Variants in ERBB4 observed in about 807,000 individuals in gnomAD.
The protein encoded by ERBB4 is receptor tyrosine-protein kinase erbB-4.
Under a neutral mutation model 158.0 loss-of-function variants are expected in ERBB4, and 42 were observed. The ratio of observed to expected loss-of-function variants is 0.27; its 90% confidence interval spans 0.21 to 0.34. The LOEUF is 0.34. Among genes scored for constraint, ERBB4 ranks in the 10% least tolerant of loss-of-function variants. ERBB4 has a pLI of 1.00. For synonymous variants in ERBB4, 583 were observed against 558.7 expected, an observed-to-expected ratio of 1.04 and a Z score of -0.61; for missense variants, 1,333 against 1,624.1, an observed-to-expected ratio of 0.82 and a Z score of 3.08.
intron 20 of ERBB4, among the ~76,000 whole-genome samples, chr2:211,469,610 T>G (rs2064782493): frequency 6.6e-6 from 1 of 152,192 alleles, no homozygotes; most frequent in Admixed American, 6.6e-5. Flanking sequence ...ATAAGAGTGG[T>G]TAAGAACTGA....
intron 19 of ERBB4, among the ~76,000 whole-genome samples, chr2:211,565,927 G>A (rs943987391): frequency 6.6e-6 from 1 of 152,166 alleles, no homozygotes; most frequent in African/African-American, 2.4e-5. Flanking sequence ...TGGCTTCCAA[G>A]TAAAAAAGAT....
intron 1 of ERBB4, among the ~76,000 whole-genome samples, chr2:212,191,681 TTATA>T (rs2082220593): frequency 1.9e-5 from 1 of 53,554 alleles, no homozygotes; most frequent in Non-Finnish European, 4.7e-5. Flanking sequence ...ATCGCGTGTG[TTATA>T]CATGTTACAT....
intron 1 of ERBB4, among the ~76,000 whole-genome samples, chr2:212,373,945 A>T (rs1452607554): frequency 1.3e-5 from 1 of 79,142 alleles, no homozygotes; most frequent in African/African-American, 7.2e-5. Flanking sequence ...ATATCCATAT[A>T]TATATCATAT....
chr2:212,139,720 G>A (rs182821632), intron 1 of ERBB4, among the ~76,000 whole-genome samples: 3 of 151,882 alleles, frequency 2.0e-5, no homozygotes, highest in African/African-American at 7.2e-5. Flanking sequence ...TTTTCTAGCA[G>A]GTAAATACAA....
At chr2:211,897,766 C>T (rs1294399887) in intron 3 of ERBB4, among the ~76,000 whole-genome samples, 2 of 151,848 alleles carry the variant, frequency 1.3e-5, no homozygotes, top group African/African-American at 4.8e-5. Flanking sequence ...TGTTTTTAGA[C>T]AGGGTGTCAT....
At chr2:211,521,885 T>C (rs1450238971) in intron 20 of ERBB4, among the ~76,000 whole-genome samples, 1 of 152,168 alleles carries the variant, frequency 6.6e-6, no homozygotes, top group African/African-American at 2.4e-5. Flanking sequence ...CGAAATAGTT[T>C]AAGCCCACTG....
At chr2:212,212,121 C>G (rs1157688109) in intron 1 of ERBB4, among the ~76,000 whole-genome samples, 1 of 152,064 alleles carries the variant, frequency 6.6e-6, no homozygotes, top group African/African-American at 2.4e-5. Context: ...GGTTCTAGAA[C>G]CTTGAGGAAT....
At chr2:212,146,557 C>A (rs998803417) in intron 1 of ERBB4, among the ~76,000 whole-genome samples, 3 of 152,134 alleles carry the variant, frequency 2.0e-5, no homozygotes, top group Admixed American at 6.6e-5. Flanking sequence ...ATCTAACTTG[C>A]ATAAAACATT....
chr2:212,430,310 T>A (rs967714288), intron 1 of ERBB4, among the ~76,000 whole-genome samples: 1 of 152,204 alleles, frequency 6.6e-6, no homozygotes, highest in African/African-American at 2.4e-5. Context: ...AACATCTTAT[T>A]TAAGCCAGAA....
intron 20 of ERBB4, among the ~76,000 whole-genome samples, chr2:211,477,566 C>A (rs926645868): frequency 6.6e-6 from 1 of 151,952 alleles, no homozygotes; most frequent in Admixed American, 6.6e-5. Context: ...TATTTCCTGA[C>A]CTGTGTAATG....
chr2:211,592,523 A>G (rs2068504673), intron 19 of ERBB4, among the ~76,000 whole-genome samples: 1 of 152,228 alleles, frequency 6.6e-6, no homozygotes, highest in African/African-American at 2.4e-5. Flanking sequence ...GTCAGCATCC[A>G]GTGAATGATT....
chr2:212,245,888 G>A (rs2084289732), intron 1 of ERBB4, among the ~76,000 whole-genome samples: 1 of 152,048 alleles, frequency 6.6e-6, no homozygotes, highest in Admixed American at 6.6e-5. Flanking sequence ...AGGGAGATGG[G>A]AGAAAAATTC....
intron 1 of ERBB4, among the ~76,000 whole-genome samples, chr2:212,433,243 A>G (rs767698301): frequency 2.6e-5 from 4 of 152,060 alleles, no homozygotes; most frequent in Non-Finnish European, 5.9e-5. Context: ...ACATTTTTAC[A>G]ATGGATTTTG....
rs183360118 is a variant in ERBB4 at position 212,248,713 on chromosome 2, A to C, written c.83-123810T>G. On this transcript the variant is annotated intron_variant, in intron 1 of 27. Coordinates refer to ENST00000342788, the MANE Select transcript of ERBB4 (RefSeq NM_005235.3). ...ACAGGTACTCAGCATTGTCATCAAA[A>C]TTAGCTAGATTAGTACTAAACGGTT... 2.5e-3 allele frequency among the ~76,000 whole-genome samples: 377 copies of C among 152,274 alleles called. 4 individuals are homozygous for C. Among genetic ancestry groups the C allele is most frequent in the African/African-American group, 8.8e-3 (367 of 41,560 alleles).
At chr2:211,769,096 C>T (rs1269412832) in intron 4 of ERBB4, among the ~76,000 whole-genome samples, 2 of 152,118 alleles carry the variant, frequency 1.3e-5, no homozygotes, top group Non-Finnish European at 2.9e-5. Flanking sequence ...CTGCCAGATA[C>T]CCTAAATCAT....
chr2:212,005,646 A>G (rs774399520), intron 2 of ERBB4, among the ~76,000 whole-genome samples: 2 of 152,218 alleles, frequency 1.3e-5, no homozygotes, highest in East Asian at 1.9e-4. Context: ...TAGGAACACT[A>G]TATGTAGTTC....
At chr2:211,570,372 G>T (rs1296690133) in intron 19 of ERBB4, among the ~76,000 whole-genome samples, 13 of 103,514 alleles carry the variant, frequency 1.3e-4, no homozygotes, top group Non-Finnish European at 1.6e-4. Flanking sequence ...TTACCATGTT[G>T]GCCAGGTGGT....
intron 2 of ERBB4, among the ~76,000 whole-genome samples, chr2:212,087,462 C>T (rs1006840940): frequency 2.6e-5 from 4 of 152,022 alleles, no homozygotes; most frequent in Admixed American, 1.3e-4. Flanking sequence ...TGTTTCCATA[C>T]CACATCATCA....
chr2:211,390,808 C>T (rs2062783967), intron 25 of ERBB4, among the ~76,000 whole-genome samples: 1 of 152,206 alleles, frequency 6.6e-6, no homozygotes, highest in South Asian at 2.1e-4. Context: ...GGAGCATCTT[C>T]ATGAATTTTC....
Sources: allele counts gnomAD v4.1 joint callset (sites outside exome capture counted in the v4.1 genomes callset), GRCh38; gene constraint gnomAD v4.1.1; transcripts MANE v1.5; gene names NCBI Gene and HGNC (gene_info 2026-07-23, HGNC 2026-07-21).